CCDC192: variants seen among roughly 807,000 people sequenced by gnomAD.
The protein encoded by CCDC192 is coiled-coil domain containing 192.
At position 127,936,333 on chromosome 5, in the gene CCDC192, A is replaced by G. The variant is rs577915653; in HGVS notation, c.536-4849A>G. 9.8e-5 allele frequency among the ~76,000 whole-genome samples: 15 copies of G among 152,322 alleles called. No homozygotes were observed. The South Asian group carries it at 2.7e-3, about 27-fold the overall frequency. On this transcript the variant is annotated intron_variant, in intron 6 of 6. Coordinates refer to ENST00000514853, the MANE Select transcript of CCDC192 (RefSeq NM_001317938.2). ...CTCAGAGCATAAAGGTTTTGAGGGT[A>G]TGAAGAACAGGAAGCTGGAAATGGC...
chr5:127,850,969 A>AAAC (rs939435725), intron 5 of CCDC192, among the ~76,000 whole-genome samples: 4 of 152,030 alleles, frequency 2.6e-5, no homozygotes, highest in Admixed American at 6.5e-5. Context: ...CCATCTTGAA[A>AAAC]AACAACAACA....
intron 2 of CCDC192, among the ~76,000 whole-genome samples, chr5:127,752,266 G>T (rs1189194408): frequency 6.6e-6 from 1 of 152,150 alleles, no homozygotes; most frequent in Non-Finnish European, 1.5e-5. Flanking sequence ...GGTCTTTGAT[G>T]ATGGTGATGT....
intron 5 of CCDC192, among the ~76,000 whole-genome samples, chr5:127,827,514 A>T (rs1749584909): frequency 6.6e-6 from 1 of 152,210 alleles, no homozygotes; most frequent in Admixed American, 6.5e-5. Flanking sequence ...TCTGATTTTA[A>T]AGATCTTGTA....
At chr5:127,823,528 C>T (rs1003440373) in intron 5 of CCDC192, among the ~76,000 whole-genome samples, 5 of 152,186 alleles carry the variant, frequency 3.3e-5, no homozygotes, top group African/African-American at 7.2e-5. Context: ...ACCCTTTCTC[C>T]ACCTATGAAT....
chr5:127,737,681 G>A (rs1031504549), intron 2 of CCDC192, among the ~76,000 whole-genome samples: 2 of 151,334 alleles, frequency 1.3e-5, no homozygotes, highest in East Asian at 3.9e-4. Flanking sequence ...TTACCATTAT[G>A]TAATGGCCTT....
chr5:127,797,702 G>A (rs1186169366), intron 4 of CCDC192, among the ~76,000 whole-genome samples: 10 of 137,656 alleles, frequency 7.3e-5, no homozygotes, highest in African/African-American at 2.5e-4. Context: ...GTTTGCTTTT[G>A]GAATATATGG....
chr5:127,795,977 C>A (rs1049505439), intron 3 of CCDC192, among the ~76,000 whole-genome samples: 1 of 152,082 alleles, frequency 6.6e-6, no homozygotes, highest in Non-Finnish European at 1.5e-5. Flanking sequence ...GCCAGCAGTT[C>A]GTAACATGTG....
chr5:127,896,355 A>G (rs891475688), intron 6 of CCDC192, among the ~76,000 whole-genome samples: 10 of 152,128 alleles, frequency 6.6e-5, no homozygotes, highest in Admixed American at 1.3e-4. Flanking sequence ...CCAGACCTTA[A>G]TCATGGTACT....
chr5:127,833,726 A>G (rs560183726), intron 5 of CCDC192, among the ~76,000 whole-genome samples: 1 of 152,296 alleles, frequency 6.6e-6, no homozygotes, highest in South Asian at 2.1e-4. Context: ...TATTTTCTAG[A>G]TTTGCAAGAT....
At chr5:127,764,949 G>A (rs543414682) in intron 3 of CCDC192, among the ~76,000 whole-genome samples, 29 of 152,290 alleles carry the variant, frequency 1.9e-4, no homozygotes, top group Non-Finnish European at 3.1e-4. Flanking sequence ...TGTGTTTTGT[G>A]TATGAAGATC....
chr5:127,796,026 C>T (rs1027531296), intron 3 of CCDC192, among the ~76,000 whole-genome samples: 6 of 152,150 alleles, frequency 3.9e-5, no homozygotes, highest in East Asian at 3.9e-4. Context: ...TGTTAATCTG[C>T]GGCATATAAC....
At chr5:127,911,119 A>G (rs936898525) in intron 6 of CCDC192, among the ~76,000 whole-genome samples, 2 of 152,234 alleles carry the variant, frequency 1.3e-5, no homozygotes, top group African/African-American at 4.8e-5. Flanking sequence ...AAATCCTGCA[A>G]TGGAAATCGC....
chr5:127,800,376 G>GAAAAAAAAAAAAAAAAAAAAAAAACAA (rs1757419217), intron 5 of CCDC192, among the ~76,000 whole-genome samples: 1 of 19,512 alleles, frequency 5.1e-5, no homozygotes, highest in Non-Finnish European at 8.3e-5. Flanking sequence ...GAGGTATTCT[G>GAAAAAAAAAAAAAAAAAAAAAAAACAA]AAAAAAAAAA....
chr5:127,763,203 C>G (rs1307246756), intron 3 of CCDC192, among the ~76,000 whole-genome samples: 1 of 152,168 alleles, frequency 6.6e-6, no homozygotes, highest in African/African-American at 2.4e-5. Context: ...ACAGACAACT[C>G]AAGCTCTCCA....
chr5:127,770,647 C>A (rs987874405), intron 3 of CCDC192, among the ~76,000 whole-genome samples: 18 of 152,142 alleles, frequency 1.2e-4, no homozygotes, highest in African/African-American at 4.3e-4. Flanking sequence ...GATGCTATAT[C>A]ATGACAATTT....
chr5:127,719,522 TATACACACATAC>T (rs1561444891), intron 2 of CCDC192, among the ~76,000 whole-genome samples: 10 of 49,490 alleles, frequency 2.0e-4, no homozygotes, highest in African/African-American at 7.5e-4. Context: ...TATATATATA[TATACACACATAC>T]ATATATATAT....
At chr5:127,932,533 A>G (rs1362220656) in intron 6 of CCDC192, among the ~76,000 whole-genome samples, 1 of 152,168 alleles carries the variant, frequency 6.6e-6, no homozygotes, top group Non-Finnish European at 1.5e-5. Context: ...TGCAGTAGTG[A>G]AAGCATTATT....
At chr5:127,865,196 C>T (rs965769342) in intron 5 of CCDC192, among the ~76,000 whole-genome samples, 7 of 152,088 alleles carry the variant, frequency 4.6e-5, no homozygotes, top group African/African-American at 1.7e-4. Context: ...ATATTCTTGT[C>T]TCTCCACCTA....
chr5:127,786,880 T>TA, intron 3 of CCDC192: 8 of 457,918 alleles, frequency 1.7e-5, no homozygotes, highest in South Asian at 1.6e-4. Flanking sequence ...TGGTGTACAC[T>TA]AGCACACTAG....
Sources: gnomAD v4.1 joint callset for allele counts (sites outside exome capture counted in the v4.1 genomes callset) on GRCh38, gnomAD v4.1.1 for gene constraint, MANE v1.5 for transcripts, NCBI Gene and HGNC (gene_info 2026-07-23, HGNC 2026-07-21) for gene names.